The following LINGO2 variants were observed in gnomAD, a reference collection of about 807,000 sequenced individuals.
LINGO2 encodes the protein leucine rich repeat and Ig domain containing 2.
A neutral mutation model predicts 30.6 loss-of-function variants in LINGO2; 14 were observed. The observed-to-expected ratio is 0.46, with a 90% CI of 0.30 to 0.72. The LOEUF (loss-of-function observed/expected upper bound fraction) is 0.72. Ranked by LOEUF, LINGO2 falls within the 30% of genes least tolerant of loss-of-function variation. LINGO2 has a pLI of 0.07. For missense variants in LINGO2, 729 were observed against 751.7 expected (o/e 0.97, Z 0.35); for synonymous variants, 317 against 288.5 (o/e 1.10, Z -1.00).
At chr9:28,237,117 C>CG (rs35883848) in intron 4 of LINGO2, among the ~76,000 whole-genome samples, 37,959 of 110,896 alleles carry the variant, frequency 0.34, 6,643 homozygotes, top group Middle Eastern at 0.46. Flanking sequence ...TTAAACAGTG[C>CG]GGGGGGGGGG....
intron 5 of LINGO2, among the ~76,000 whole-genome samples, chr9:28,001,414 C>T (rs1428307705): frequency 6.8e-6 from 1 of 147,536 alleles, no homozygotes; most frequent in Non-Finnish European, 1.5e-5. Flanking sequence ...TACAATAAGC[C>T]CATGATCAAG....
chr9:28,233,030 T>TTATATATATATATATA (rs1554690875), intron 4 of LINGO2, among the ~76,000 whole-genome samples: 1,976 of 77,102 alleles, frequency 0.026, 37 homozygotes, highest in Middle Eastern at 0.047. Context: ...ACAGTAAACA[T>TTATATATATATATATA]TATATATATA....
intron 1 of LINGO2, among the ~76,000 whole-genome samples, chr9:28,664,061 G>C (rs958338736): frequency 5.3e-5 from 8 of 152,120 alleles, no homozygotes; most frequent in Non-Finnish European, 1.0e-4. Flanking sequence ...TATTTATATC[G>C]AGAGAGGATA....
At chr9:29,122,197 G>A in the LINGO2 span, among the ~76,000 whole-genome samples, 1 of 151,864 alleles carries the variant, frequency 6.6e-6, no homozygotes, top group Non-Finnish European at 1.5e-5. Context: ...TCCTATAGCA[G>A]GAGAAACTAA....
intron 2 of LINGO2, among the ~76,000 whole-genome samples, chr9:28,449,749 T>C (rs1587691137): frequency 6.6e-6 from 1 of 152,058 alleles, no homozygotes; most frequent in East Asian, 1.9e-4. Context: ...TTGCTTCAAT[T>C]ACTAGTCCCC....
intron 1 of LINGO2, among the ~76,000 whole-genome samples, chr9:28,571,593 G>T (rs1823696781): frequency 6.6e-6 from 1 of 152,080 alleles, no homozygotes; most frequent in African/African-American, 2.4e-5. Context: ...ACTTGCATAT[G>T]ATTATGCAGT....
chr9:29,177,722 T>G, the LINGO2 span, among the ~76,000 whole-genome samples: 1 of 152,298 alleles, frequency 6.6e-6, no homozygotes, highest in South Asian at 2.1e-4. Flanking sequence ...TCTTAGTCTC[T>G]TGGAATATTT....
the LINGO2 span, among the ~76,000 whole-genome samples, chr9:29,186,347 C>A: frequency 3.9e-5 from 6 of 152,002 alleles, no homozygotes; most frequent in Non-Finnish European, 7.4e-5. Flanking sequence ...AATGCAACTT[C>A]CATTTATTAT....
the LINGO2 span, among the ~76,000 whole-genome samples, chr9:28,710,467 A>G: frequency 6.6e-6 from 1 of 152,184 alleles, no homozygotes; most frequent in African/African-American, 2.4e-5. Flanking sequence ...CATAACTATT[A>G]GATGCCTATT....
chr9:29,074,919 G>A, the LINGO2 span, among the ~76,000 whole-genome samples: 4 of 151,394 alleles, frequency 2.6e-5, no homozygotes, highest in Admixed American at 1.3e-4. Flanking sequence ...CTCGTGATCC[G>A]CCCGCCTCGG....
intron 4 of LINGO2, among the ~76,000 whole-genome samples, chr9:28,052,856 G>A (rs767951423): frequency 2.0e-5 from 3 of 152,058 alleles, no homozygotes; most frequent in Non-Finnish European, 2.9e-5. Context: ...TATTTTATGT[G>A]ACAGTAATTT....
intron 5 of LINGO2, among the ~76,000 whole-genome samples, chr9:27,963,572 T>A (rs1168024827): frequency 2.6e-5 from 4 of 152,088 alleles, no homozygotes; most frequent in African/African-American, 9.7e-5. Flanking sequence ...TATGATTAAT[T>A]TAGTTCTCTG....
intron 1 of LINGO2, among the ~76,000 whole-genome samples, chr9:28,651,365 G>C (rs1464291388): frequency 6.6e-6 from 1 of 152,008 alleles, no homozygotes. Flanking sequence ...AAATTAATTT[G>C]GCCAGAGTCA....
At chr9:29,043,514 C>T in the LINGO2 span, among the ~76,000 whole-genome samples, 1 of 151,916 alleles carries the variant, frequency 6.6e-6, no homozygotes, top group Non-Finnish European at 1.5e-5. Flanking sequence ...AATATTTGCA[C>T]TCTTAATTGA....
chr9:28,705,062 G>C, the LINGO2 span, among the ~76,000 whole-genome samples: 4 of 151,888 alleles, frequency 2.6e-5, no homozygotes, highest in Non-Finnish European at 5.9e-5. Context: ...TTACAGGTAA[G>C]CACCACCATG....
At chr9:28,845,791 AAT>A in the LINGO2 span, among the ~76,000 whole-genome samples, 2,727 of 150,360 alleles carry the variant, frequency 0.018, 149 homozygotes, top group African/African-American at 0.064. Context: ...GGTATAAAAA[AAT>A]AAAATGTTTT....
chr9:28,052,529 G>C (rs1202436995), intron 4 of LINGO2, among the ~76,000 whole-genome samples: 3 of 152,030 alleles, frequency 2.0e-5, no homozygotes, highest in Non-Finnish European at 2.9e-5. Context: ...CCATCTGCCA[G>C]AGATGACACT....
intron 4 of LINGO2, among the ~76,000 whole-genome samples, chr9:28,239,183 G>A (rs1199070255): frequency 6.6e-6 from 1 of 151,984 alleles, no homozygotes; most frequent in African/African-American, 2.4e-5. Flanking sequence ...AGGACAAGAT[G>A]GCTTCACTGC....
intron 1 of LINGO2, among the ~76,000 whole-genome samples, chr9:28,648,619 C>T (rs1336263468): frequency 6.6e-6 from 1 of 152,088 alleles, no homozygotes; most frequent in Non-Finnish European, 1.5e-5. Flanking sequence ...CATATCCAAT[C>T]ATGTTTGAAC....
Sources: allele counts gnomAD v4.1 joint callset (sites outside exome capture counted in the v4.1 genomes callset), GRCh38; gene constraint gnomAD v4.1.1; transcripts MANE v1.5; gene names NCBI Gene and HGNC (gene_info 2026-07-23, HGNC 2026-07-21).